SPAG16: variants seen among roughly 807,000 people sequenced by gnomAD.
The protein encoded by SPAG16 is sperm-associated antigen 16 protein.
Under a neutral mutation model 80.4 loss-of-function variants are expected in SPAG16, and 86 were observed. That is an observed-to-expected ratio of 1.07 (90% CI 0.90 to 1.28). The LOEUF is 1.28. SPAG16 is among the 50% of genes most tolerant of loss of function. The probability of loss-of-function intolerance (pLI) is 0.00; values close to 1 mark genes in which losing one functional copy is unlikely to be tolerated. For synonymous variants in SPAG16, 294 were observed against 265.9 expected (o/e 1.11, Z -1.03); for missense variants, 870 against 765.3 (o/e 1.14, Z -1.61).
intron 13 of SPAG16, among the ~76,000 whole-genome samples, chr2:214,051,007 C>T (rs1002751772): frequency 6.6e-6 from 1 of 152,064 alleles, no homozygotes; most frequent in Non-Finnish European, 1.5e-5. Context: ...TGCTTGTTTC[C>T]CTGAAGACTA....
At chr2:213,681,952 C>T (rs868823227) in intron 10 of SPAG16, among the ~76,000 whole-genome samples, 1 of 152,168 alleles carries the variant, frequency 6.6e-6, no homozygotes, top group Admixed American at 6.5e-5. Flanking sequence ...TTACCCAGAT[C>T]CAGGCTCCTT....
At chr2:213,601,255 G>C (rs1214478877) in intron 10 of SPAG16, among the ~76,000 whole-genome samples, 1 of 152,152 alleles carries the variant, frequency 6.6e-6, no homozygotes, top group East Asian at 1.9e-4. Flanking sequence ...TGGTGGATCT[G>C]AACTTTAACC....
intron 15 of SPAG16, among the ~76,000 whole-genome samples, chr2:214,151,711 A>G (rs1402479877): frequency 6.6e-6 from 1 of 151,692 alleles, no homozygotes; most frequent in Non-Finnish European, 1.5e-5. Context: ...ACAGAACTAA[A>G]TTGTGCAGTT....
intron 13 of SPAG16, among the ~76,000 whole-genome samples, chr2:214,039,350 A>G (rs2048883620): frequency 6.6e-6 from 1 of 152,202 alleles, no homozygotes; most frequent in Non-Finnish European, 1.5e-5. Flanking sequence ...TCTTTTGAGA[A>G]GTGTCTGTTC....
At chr2:214,140,436 C>T (rs1437605252) in intron 14 of SPAG16, among the ~76,000 whole-genome samples, 1 of 151,906 alleles carries the variant, frequency 6.6e-6, no homozygotes, top group Non-Finnish European at 1.5e-5. Flanking sequence ...ATATATTTGG[C>T]AAATACTGTT....
At position 213,359,595 on chromosome 2, in the gene SPAG16, A is replaced by T. The variant is rs560316885; in HGVS notation, c.763-4481A>T. On this transcript the variant is annotated intron_variant, in intron 7 of 15. Coordinates refer to ENST00000331683, the MANE Select transcript of SPAG16 (RefSeq NM_024532.5). ...ACCTGCTGAGCCAGGCACGGGAGAA[A>T]ATCTCCTGGTCTGCCAGTTGCTAAG... is the stretch of plus-strand genomic sequence containing the variant. Among the ~76,000 whole-genome samples, 623 of 152,318 alleles carry T rather than the reference A, an allele frequency of 4.1e-3. 6 individuals carry two copies. The highest frequency in any genetic ancestry group is 0.015 in the African/African-American group (605 of 41,576).
intron 15 of SPAG16, among the ~76,000 whole-genome samples, chr2:214,192,762 ACT>A (rs2057702754): frequency 6.6e-6 from 1 of 151,988 alleles, no homozygotes; most frequent in Non-Finnish European, 1.5e-5. Flanking sequence ...TAAGCAAAAT[ACT>A]CTGTTTACAA....
At chr2:214,162,720 T>C (rs2056489930) in intron 15 of SPAG16, among the ~76,000 whole-genome samples, 1 of 152,166 alleles carries the variant, frequency 6.6e-6, no homozygotes. Context: ...TGCCGTGATG[T>C]TCTAGTATTG....
chr2:213,584,183 T>C lies in SPAG16; in HGVS notation c.1070+94093T>C, dbSNP rs72492763. Among the ~76,000 whole-genome samples, 184 of 150,338 alleles carry C rather than the reference T, an allele frequency of 1.2e-3. 1 individual carries two copies. The East Asian group carries it at 0.033, about 27-fold the overall frequency. On this transcript the variant is annotated intron_variant, in intron 10 of 15. Transcript: ENST00000331683. ...GTTTATTTTGCATTTCTTCATTGGA[T>C]TTTTTTTTATACTAGTCCAACTAGC...
At chr2:214,222,138 CAG>C (rs2058591803) in intron 15 of SPAG16, among the ~76,000 whole-genome samples, 1 of 58,282 alleles carries the variant, frequency 1.7e-5, no homozygotes, top group Admixed American at 2.8e-4. Flanking sequence ...TTTTTTGAAA[CAG>C]AGTTTCGCTC....
chr2:214,033,802 T>A (rs2048543577), intron 13 of SPAG16, among the ~76,000 whole-genome samples: 1 of 152,152 alleles, frequency 6.6e-6, no homozygotes, highest in Admixed American at 6.5e-5. Flanking sequence ...CCTCCAAATA[T>A]ACCAGGGTAT....
intron 13 of SPAG16, among the ~76,000 whole-genome samples, chr2:214,097,661 A>ATG (rs148330041): frequency 3.3e-5 from 5 of 151,506 alleles, no homozygotes; most frequent in Middle Eastern, 3.2e-3. Flanking sequence ...CAAACTTGCA[A>ATG]TGTGTGTGTG....
intron 10 of SPAG16, among the ~76,000 whole-genome samples, chr2:213,852,516 G>A (rs1482161171): frequency 2.6e-5 from 4 of 151,854 alleles, no homozygotes; most frequent in East Asian, 1.9e-4. Flanking sequence ...CAGTCACCTC[G>A]GCTTTCCTTC....
At chr2:213,317,386 C>A in intron 5 of SPAG16, 30 bp downstream of exon 5, 1 of 1,588,950 alleles carries the variant, frequency 6.3e-7, no homozygotes, top group Non-Finnish European at 8.6e-7. Context: ...ACATTTTCTT[C>A]TTTTTCTTTT....
rs531720570 is a variant in SPAG16 at position 213,925,512 on chromosome 2, C to T, written c.1215-4448C>T. Among the ~76,000 whole-genome samples, 34 of 152,188 alleles carry T rather than the reference C, an allele frequency of 2.2e-4. No homozygotes were observed. The South Asian group carries it at 3.3e-3, about 15-fold the overall frequency. ...GGCTACATGTGTCCACTACCCTATCCGGCTAATTTTTGTATTTTTAGTAGG... is the reference window on the plus strand; with the variant it reads ...GGCTACATGTGTCCACTACCCTATCTGGCTAATTTTTGTATTTTTAGTAGG... On this transcript the variant is annotated intron_variant, in intron 11 of 15. Coordinates refer to ENST00000331683, the MANE Select transcript of SPAG16 (RefSeq NM_024532.5).
At position 214,102,116 on chromosome 2, in the gene SPAG16, G is replaced by GT. The variant is rs200535752; in HGVS notation, c.1528-6067dup. Among the ~76,000 whole-genome samples, 42 of 109,668 alleles carry GT rather than the reference G, an allele frequency of 3.8e-4. No individual in the cohort carries two copies. The East Asian group carries it at 0.01, about 27-fold the overall frequency. The allele number at this position is 109,668 out of a possible 152,430, so 71.9% of individuals were successfully genotyped here. ...GCATATCTGGTGAGGGTGGTTTTTT[G>GT]TTTTTTTTTTTTTGCAATTTCATTT... is the stretch of plus-strand genomic sequence containing the variant. On this transcript the variant is annotated intron_variant, in intron 13 of 15. Transcript: ENST00000331683.
intron 10 of SPAG16, among the ~76,000 whole-genome samples, chr2:213,845,944 G>T (rs78800480): frequency 4.6e-5 from 7 of 152,326 alleles, no homozygotes; most frequent in Admixed American, 1.3e-4. Context: ...TGAAAGTGGG[G>T]TTGGGGTAGC....
chr2:213,464,721 A>C (rs2072584121), intron 9 of SPAG16, among the ~76,000 whole-genome samples: 1 of 152,236 alleles, frequency 6.6e-6, no homozygotes, highest in South Asian at 2.1e-4. Context: ...GGCAAGCCTC[A>C]CAAGCATTAA....
At chr2:213,868,008 G>A (rs1413746968) in intron 11 of SPAG16, among the ~76,000 whole-genome samples, 1 of 150,704 alleles carries the variant, frequency 6.6e-6, no homozygotes, top group Admixed American at 6.6e-5. Context: ...GAAGGGAAGA[G>A]GCAATTGTGT....
Sources: gnomAD v4.1 joint callset for allele counts (sites outside exome capture counted in the v4.1 genomes callset) on GRCh38, gnomAD v4.1.1 for gene constraint, MANE v1.5 for transcripts, NCBI Gene and HGNC (gene_info 2026-07-23, HGNC 2026-07-21) for gene names.